The following MARCHF3 variants were observed in gnomAD, a reference collection of about 807,000 sequenced individuals.
MARCHF3 encodes the protein membrane associated ring-CH-type finger 3, also known as E3 ubiquitin-protein ligase MARCHF3.
A neutral mutation model predicts 24.2 loss-of-function variants in MARCHF3; 13 were observed. The observed-to-expected ratio is 0.54, with a 90% confidence interval of 0.35 to 0.85. MARCHF3 has a LOEUF of 0.85. Among genes scored for constraint, MARCHF3 ranks in the 40% least tolerant of loss-of-function variants. The pLI, the probability that MARCHF3 is intolerant of heterozygous loss-of-function variation, is 0.01. For synonymous variants in MARCHF3, 144 were observed against 137.3 expected, an observed-to-expected ratio of 1.05 and a Z score of -0.34; for missense variants, 276 against 325.0, an observed-to-expected ratio of 0.85 and a Z score of 1.16.
rs1458023242 is a variant in MARCHF3 at position 126,869,586 on chromosome 5, T to TTG, written c.*1046_*1047insCA. On this transcript the variant is annotated 3_prime_UTR_variant, in exon 5 of 5. Transcript: ENST00000308660. ...GTGCAGGGCTGCTAGGACAGGCTTTTTTTTTTTTTTTTTTTTTTGCCACAT... is the reference window on the plus strand; with the variant it reads ...GTGCAGGGCTGCTAGGACAGGCTTTTTGTTTTTTTTTTTTTTTTTTGCCACAT... 1.4e-5 allele frequency: 2 copies of TTG among 142,708 alleles called. No homozygotes were observed. The highest frequency in any genetic ancestry group is 4.1e-4 in the East Asian group (2 of 4,862). The allele number at this position is 142,708 out of a possible 1,614,324, so 8.8% of individuals were successfully genotyped here.
chr5:126,916,934 AG>A (rs1748879279), intron 2 of MARCHF3, among the ~76,000 whole-genome samples: 2 of 152,156 alleles, frequency 1.3e-5, no homozygotes, highest in Non-Finnish European at 2.9e-5. Context: ...TACATATTAA[AG>A]GTTTTTCTAT....
intron 1 of MARCHF3, among the ~76,000 whole-genome samples, chr5:126,988,214 T>C (rs945660371): frequency 5.3e-5 from 8 of 152,102 alleles, no homozygotes; most frequent in African/African-American, 1.7e-4. Flanking sequence ...TCAGTCTTGA[T>C]CTGAAAGTGA....
chr5:127,008,712 C>T (rs924029019), intron 1 of MARCHF3, among the ~76,000 whole-genome samples: 3 of 152,008 alleles, frequency 2.0e-5, no homozygotes, highest in Non-Finnish European at 4.4e-5. Flanking sequence ...TCCATATTTC[C>T]ACCCTGAGGT....
chr5:127,003,735 G>A (rs1308372825), intron 1 of MARCHF3, among the ~76,000 whole-genome samples: 1 of 152,218 alleles, frequency 6.6e-6, no homozygotes, highest in African/African-American at 2.4e-5. Flanking sequence ...CTTGGTAGAT[G>A]AGGAGTGAAG....
chr5:126,943,186 C>T (rs1410884978), intron 1 of MARCHF3, among the ~76,000 whole-genome samples: 4 of 152,210 alleles, frequency 2.6e-5, no homozygotes, highest in Non-Finnish European at 5.9e-5. Context: ...CCCAGCTATT[C>T]GGAAGGCTGA....
At chr5:127,023,593 GT>G (rs1423767537) in intron 1 of MARCHF3, among the ~76,000 whole-genome samples, 10 of 151,832 alleles carry the variant, frequency 6.6e-5, no homozygotes, top group Non-Finnish European at 1.3e-4. Flanking sequence ...TTAGCCAGGT[GT>G]GGTGGTGCAT....
intron 1 of MARCHF3, among the ~76,000 whole-genome samples, chr5:126,919,800 C>A (rs1450831186): frequency 6.6e-6 from 1 of 152,208 alleles, no homozygotes; most frequent in East Asian, 1.9e-4. Flanking sequence ...CCTTTCCCAC[C>A]CTCATTGGCT....
intron 3 of MARCHF3, among the ~76,000 whole-genome samples, chr5:126,908,171 A>G (rs1308779241): frequency 6.6e-6 from 1 of 152,070 alleles, no homozygotes; most frequent in East Asian, 1.9e-4. Context: ...TGGCTTGTAG[A>G]GTTCCTGCCG....
chr5:126,888,296 T>G (rs551342117), intron 3 of MARCHF3, among the ~76,000 whole-genome samples: 13 of 152,314 alleles, frequency 8.5e-5, no homozygotes, highest in African/African-American at 3.1e-4. Context: ...TGATGCTCCC[T>G]GGAGGACTTA....
intron 1 of MARCHF3, among the ~76,000 whole-genome samples, chr5:127,018,735 C>T (rs933264514): frequency 2.0e-5 from 3 of 152,206 alleles, no homozygotes; most frequent in Admixed American, 1.3e-4. Context: ...GGCCCAATCA[C>T]CCAATGCCCT....
intron 2 of MARCHF3, 38 bp downstream of exon 2, chr5:126,917,946 A>G (rs776530743): frequency 3.8e-6 from 6 of 1,588,446 alleles, no homozygotes; most frequent in Non-Finnish European, 5.2e-6. Context: ...AGTTCTCTGG[A>G]TCAATTACAG....
At chr5:126,882,573 CTAT>C (rs775572489) in intron 3 of MARCHF3, among the ~76,000 whole-genome samples, 1 of 152,106 alleles carries the variant, frequency 6.6e-6, no homozygotes, top group Non-Finnish European at 1.5e-5. Context: ...TATACATTGA[CTAT>C]TATACCTGTT....
chr5:127,020,052 T>C (rs532016358), intron 1 of MARCHF3, among the ~76,000 whole-genome samples: 1 of 152,342 alleles, frequency 6.6e-6, no homozygotes, highest in African/African-American at 2.4e-5. Context: ...AATAGAAAGA[T>C]GGTACTTTAG....
At chr5:126,924,146 T>G (rs1371805502) in intron 1 of MARCHF3, among the ~76,000 whole-genome samples, 1 of 152,156 alleles carries the variant, frequency 6.6e-6, no homozygotes, top group Admixed American at 6.5e-5. Context: ...GCTTGCTCAT[T>G]CAGGGGAAAC....
At chr5:126,999,611 C>T (rs1307879230) in intron 1 of MARCHF3, among the ~76,000 whole-genome samples, 1 of 152,194 alleles carries the variant, frequency 6.6e-6, no homozygotes, top group Admixed American at 6.5e-5. Context: ...GACTTGGTCG[C>T]TGGTATTCTG....
intron 1 of MARCHF3, among the ~76,000 whole-genome samples, chr5:126,941,296 C>T (rs1260593765): frequency 6.6e-6 from 1 of 152,130 alleles, no homozygotes; most frequent in Non-Finnish European, 1.5e-5. Flanking sequence ...AGGTCTCTGT[C>T]CTCTTAAACA....
rs1285033894 is a variant in MARCHF3 at position 126,930,119 on chromosome 5, A to G, written c.-56-11892T>C. On this transcript the variant is annotated intron_variant, in intron 1 of 4. Transcript: ENST00000308660. ...AATTAAAAAAAAAAGTCAGACCACT[A>G]CTACATAAGAAACTCTTCTTAAGTA... Among the ~76,000 whole-genome samples the G allele has an allele frequency of 2.0e-5, 3 of 152,212 alleles. No individual in the cohort carries two copies. The East Asian group carries it at 5.8e-4, about 29-fold the overall frequency.
At chr5:126,913,947 T>A (rs954147353) in intron 3 of MARCHF3, among the ~76,000 whole-genome samples, 6 of 151,884 alleles carry the variant, frequency 4.0e-5, no homozygotes, top group African/African-American at 1.5e-4. Context: ...TTATAATATA[T>A]TAAAATATTT....
chr5:126,974,952 T>C (rs1751144508), intron 1 of MARCHF3, among the ~76,000 whole-genome samples: 1 of 152,204 alleles, frequency 6.6e-6, no homozygotes. Context: ...TAACATTCTT[T>C]TTTTCAAAAT....
Sources: allele counts gnomAD v4.1 joint callset (sites outside exome capture counted in the v4.1 genomes callset), GRCh38; gene constraint gnomAD v4.1.1; transcripts MANE v1.5; gene names NCBI Gene and HGNC (gene_info 2026-07-23, HGNC 2026-07-21).